Variants in PRDM11 observed in about 807,000 individuals in gnomAD.
PRDM11 encodes the protein PR domain-containing protein 11.
A neutral mutation model predicts 97.8 loss-of-function variants in PRDM11; 20 were observed. The ratio of observed to expected loss-of-function variants is 0.20; its 90% CI spans 0.14 to 0.30. The LOEUF (loss-of-function observed/expected upper bound fraction) is 0.30. PRDM11 is among the 10% of genes least tolerant of loss of function. The pLI is 1.00. For missense variants in PRDM11, 1,139 were observed against 1,555.2 expected, an observed-to-expected ratio of 0.73 and a Z score of 4.50; for synonymous variants, 599 against 637.7, an observed-to-expected ratio of 0.94 and a Z score of 0.91.
chr11:45,213,993 A>G (rs1218092270), intron 5 of PRDM11: 5 of 332,662 alleles, frequency 1.5e-5, no homozygotes, highest in Non-Finnish European at 3.0e-5. Flanking sequence ...GGCACCTAGC[A>G]TTTAGCAGGT....
At chr11:45,193,904 T>A (rs1328785400) in intron 4 of PRDM11, among the ~76,000 whole-genome samples, 1 of 152,240 alleles carries the variant, frequency 6.6e-6, no homozygotes, top group African/African-American at 2.4e-5. Flanking sequence ...TGGAGCCAGG[T>A]CTGCTCCAGA....
intron 1 of PRDM11, among the ~76,000 whole-genome samples, chr11:45,137,325 C>T (rs1051733306): frequency 4.7e-4 from 72 of 151,638 alleles, no homozygotes; most frequent in African/African-American, 1.6e-3. Flanking sequence ...CCCAGCTACT[C>T]GGGAGGCTGA....
At chr11:45,128,158 G>C (rs1046030560) in intron 1 of PRDM11, among the ~76,000 whole-genome samples, 2 of 152,200 alleles carry the variant, frequency 1.3e-5, no homozygotes, top group African/African-American at 4.8e-5. Context: ...CCATGTGCAG[G>C]ATATAATCTC....
upstream of PRDM11, among the ~76,000 whole-genome samples, chr11:45,146,460 G>A (rs1272195720): frequency 6.6e-6 from 1 of 151,618 alleles, no homozygotes; most frequent in Admixed American, 6.6e-5. Flanking sequence ...ATTATAAAAC[G>A]CTCCCTCTCC....
In PRDM11 at chr11:45,227,698, G is replaced by T. The variant is rs529964583; in HGVS notation, c.3073G>T (p.Asp1025Tyr). 233 of 1,533,988 alleles carry T rather than the reference G, an allele frequency of 1.5e-4. 1 individual carries two copies. The South Asian group carries it at 2.6e-3, about 17-fold the overall frequency. Residue 1025 changes from aspartate (D) to tyrosine (Y), a missense_variant, in exon 8 of 8, where the codon GAT becomes TAT. Transcript: ENST00000683152. The surrounding 1 kb of genome is among the most constrained non-coding windows in gnomAD (Gnocchi z 8.0). ...HLEAIPTFSR[D>Y]VCREGLDPRG... ...GGAGGCCATCCCGACCTTTTCCCGG[G>T]ATGTCTGTAGGGAAGGGCTGGACCC... is the stretch of plus-strand genomic sequence containing the variant.
upstream of PRDM11, among the ~76,000 whole-genome samples, chr11:45,146,408 C>CT (rs377045507): frequency 6.6e-6 from 1 of 152,164 alleles, no homozygotes; most frequent in African/African-American, 2.4e-5. Context: ...TTAACCTTTT[C>CT]TTTTTTTCAT....
intron 1 of PRDM11, among the ~76,000 whole-genome samples, chr11:45,180,669 G>A (rs901764947): frequency 6.7e-6 from 1 of 150,232 alleles, no homozygotes; most frequent in South Asian, 2.1e-4. Context: ...CGGGCCTGGC[G>A]GGCGGGGGGC....
At chr11:45,137,479 G>T (rs1276743930) in intron 1 of PRDM11, among the ~76,000 whole-genome samples, 3 of 151,882 alleles carry the variant, frequency 2.0e-5, no homozygotes, top group Non-Finnish European at 4.4e-5. Flanking sequence ...GGCTGGGTGT[G>T]GCGGCTCATG....
intron 1 of PRDM11, among the ~76,000 whole-genome samples, chr11:45,138,576 A>G (rs1233020102): frequency 6.6e-6 from 1 of 152,186 alleles, no homozygotes; most frequent in Admixed American, 6.5e-5. Flanking sequence ...TCAAAAATAA[A>G]TAAATTTAGT....
chr11:45,210,106 G>A (rs1327868711), intron 5 of PRDM11, among the ~76,000 whole-genome samples: 4 of 152,318 alleles, frequency 2.6e-5, no homozygotes, highest in South Asian at 4.1e-4. Context: ...GTGAAGGCCC[G>A]GGCCGGGCCA....
chr11:45,214,816 A>G (rs1007749347), intron 5 of PRDM11: 15 of 152,128 alleles, frequency 9.9e-5, no homozygotes, highest in Non-Finnish European at 2.1e-4. Context: ...GAGGACCCCA[A>G]AGCAGGGGTT....
chr11:45,193,291 G>A (rs536222211), intron 4 of PRDM11, among the ~76,000 whole-genome samples: 1 of 152,146 alleles, frequency 6.6e-6, no homozygotes, highest in African/African-American at 2.4e-5. Context: ...TGCTTTGCCG[G>A]AGTGCAACAT....
At chr11:45,156,782 G>C (rs146050302) in intron 1 of PRDM11, among the ~76,000 whole-genome samples, 7 of 152,278 alleles carry the variant, frequency 4.6e-5, no homozygotes, top group African/African-American at 1.7e-4. Context: ...GGAGAGGGAG[G>C]ATCTGGTTAG....
intron 1 of PRDM11, among the ~76,000 whole-genome samples, chr11:45,124,065 C>T (rs1286625664): frequency 6.7e-6 from 1 of 148,626 alleles, no homozygotes; most frequent in Non-Finnish European, 1.5e-5. Flanking sequence ...CTTCACATCC[C>T]TTGTAAGTTG....
At chr11:45,185,069 A>G (rs1241731445) in intron 4 of PRDM11, among the ~76,000 whole-genome samples, 1 of 152,186 alleles carries the variant, frequency 6.6e-6, no homozygotes, top group African/African-American at 2.4e-5. Flanking sequence ...AATGTCTGTC[A>G]GTGCCAAGTG....
intron 1 of PRDM11, among the ~76,000 whole-genome samples, chr11:45,129,417 T>C (rs1007932769): frequency 6.6e-6 from 1 of 152,168 alleles, no homozygotes; most frequent in African/African-American, 2.4e-5. Flanking sequence ...ATAAACAAAC[T>C]ATTAGAATTA....
intron 1 of PRDM11, among the ~76,000 whole-genome samples, chr11:45,161,648 G>A (rs1233161161): frequency 1.3e-5 from 2 of 152,232 alleles, no homozygotes; most frequent in African/African-American, 4.8e-5. Context: ...GTCCCGGGAC[G>A]GCTCTGGGCC....
intron 1 of PRDM11, among the ~76,000 whole-genome samples, chr11:45,110,947 T>G (rs1852165245): frequency 6.6e-6 from 1 of 151,944 alleles, no homozygotes. Context: ...CCCCCTTTTT[T>G]TCTTTCTATT....
rs955436226 is a variant in PRDM11, at chr11:45,146,762, G to C, written c.-122G>C. ...CTCGCCGGGGACCAGCGCGCCCGCAGCGCGGCCGCTCCCTCCGCGGGGGCC... is the reference window on the plus strand; with the variant it reads ...CTCGCCGGGGACCAGCGCGCCCGCACCGCGGCCGCTCCCTCCGCGGGGGCC... On this transcript the variant is annotated 5_prime_UTR_variant, in exon 1 of 8. Transcript: ENST00000683152. The C allele has an allele frequency of 7.1e-4, 105 of 147,034 alleles. 2 individuals carry two copies. The highest frequency in any genetic ancestry group is 2.3e-3 in the African/African-American group (96 of 40,936). The allele number at this position is 147,034 out of a possible 1,614,324, so 9.1% of individuals were successfully genotyped here.
Sources: allele counts gnomAD v4.1 joint callset (sites outside exome capture counted in the v4.1 genomes callset), GRCh38; gene constraint gnomAD v4.1.1; non-coding constraint Gnocchi (gnomAD v3.1); transcripts MANE v1.5; gene names NCBI Gene and HGNC (gene_info 2026-07-23, HGNC 2026-07-21).